Variants in WDR41 observed in about 807,000 individuals in gnomAD.
WDR41 encodes the protein WD repeat-containing protein 41.
In WDR41, 63 loss-of-function variants were observed where a neutral mutation model predicts 69.3. The observed-to-expected ratio is 0.91, with a 90% CI of 0.74 to 1.12. The LOEUF (loss-of-function observed/expected upper bound fraction) is 1.12. Among genes scored for constraint, WDR41 ranks in the 50% most tolerant of loss-of-function variants. WDR41 has a pLI of 0.00. For synonymous variants in WDR41, 185 were observed against 192.1 expected (o/e 0.96, Z 0.31); for missense variants, 543 against 534.5 (o/e 1.02, Z -0.16).
At chr5:77,605,452 C>A (rs1744397454) in intron 1 of WDR41, among the ~76,000 whole-genome samples, 1 of 152,160 alleles carries the variant, frequency 6.6e-6, no homozygotes, top group Admixed American at 6.6e-5. Flanking sequence ...GTGGAAGTTG[C>A]CCAATATCAA....
chr5:77,520,675 G>A (rs1802357909), intron 1 of WDR41, among the ~76,000 whole-genome samples: 2 of 152,104 alleles, frequency 1.3e-5, no homozygotes, highest in South Asian at 4.1e-4. Flanking sequence ...CTTCCTTTCA[G>A]ATCTGAACCC....
At chr5:77,579,510 G>C (rs976536881) in intron 1 of WDR41, among the ~76,000 whole-genome samples, 2 of 151,946 alleles carry the variant, frequency 1.3e-5, no homozygotes, top group Non-Finnish European at 2.9e-5. Context: ...CCATAAGATA[G>C]TAGAACAACA....
intron 2 of WDR41, among the ~76,000 whole-genome samples, chr5:77,483,506 G>GTGTGTGTGTGTGTGTT (rs1801379156): frequency 1.3e-5 from 2 of 151,410 alleles, no homozygotes; most frequent in Non-Finnish European, 2.9e-5. Context: ...GTGTGTGTGT[G>GTGTGTGTGTGTGTGTT]TGTGTGTGTG....
intron 9 of WDR41, among the ~76,000 whole-genome samples, 186 bp downstream of exon 9, chr5:77,440,627 G>T (rs1799120203): frequency 6.6e-6 from 1 of 152,058 alleles, no homozygotes; most frequent in African/African-American, 2.4e-5. Flanking sequence ...CTTGCCTCGA[G>T]ATTAGAAGCA....
At position 77,451,303 on chromosome 5, in the gene WDR41, C is replaced by A. The variant is rs770607328; in HGVS notation, c.574G>T (p.Gly192Cys). 2 of 1,613,638 alleles carry A rather than the reference C, an allele frequency of 1.2e-6. No homozygotes were observed. Among genetic ancestry groups the A allele is most frequent in the South Asian group, 2.2e-5 (2 of 91,034 alleles). ...IPKNCVVAAVGKELIIFRLVA... is the reference protein window; with the variant it reads ...IPKNCVVAAVCKELIIFRLVA... ...AATTCATACTCACTCAGTTCTTTGC[C>A]AACTGCTGCCACAACACAGTTCTTA... Residue 192 changes from glycine to cysteine, a missense_variant, in exon 7 of 13, where the codon GGC becomes TGC. Gly to Cys is a radical substitution (Grantham distance 159). Coordinates refer to ENST00000296679, the MANE Select transcript of WDR41 (RefSeq NM_018268.4).
At chr5:77,496,664 A>G (rs1461010452), upstream of WDR41, among the ~76,000 whole-genome samples, 1 of 152,154 alleles carries the variant, frequency 6.6e-6, no homozygotes, top group African/African-American at 2.4e-5. Flanking sequence ...GAAAGACAAC[A>G]TTGTTAAGAT....
At chr5:77,564,478 A>G (rs1457114357) in intron 1 of WDR41, among the ~76,000 whole-genome samples, 1 of 152,192 alleles carries the variant, frequency 6.6e-6, no homozygotes, top group Non-Finnish European at 1.5e-5. Flanking sequence ...CAGCGTTCAG[A>G]TGATCAACAT....
chr5:77,498,921 T>C (rs1407815856), intron 1 of WDR41, among the ~76,000 whole-genome samples: 1 of 151,950 alleles, frequency 6.6e-6, no homozygotes, highest in Non-Finnish European at 1.5e-5. Context: ...AATTGATAAA[T>C]TGTACTACAT....
At chr5:77,502,684 C>T (rs887754386) in intron 1 of WDR41, among the ~76,000 whole-genome samples, 2 of 152,158 alleles carry the variant, frequency 1.3e-5, no homozygotes, top group Non-Finnish European at 2.9e-5. Flanking sequence ...GGGAGAAACC[C>T]TATAAGCCAG....
chr5:77,498,923 G>A (rs1678776), intron 1 of WDR41, among the ~76,000 whole-genome samples: 4,769 of 151,940 alleles, frequency 0.031, 202 homozygotes, highest in South Asian at 0.19. Context: ...TTGATAAATT[G>A]TACTACATCA....
intron 1 of WDR41, among the ~76,000 whole-genome samples, chr5:77,619,319 C>T (rs1744733334): frequency 6.6e-6 from 1 of 152,130 alleles, no homozygotes; most frequent in African/African-American, 2.4e-5. Context: ...ACCACGCATT[C>T]AGGCCAGAAA....
intron 1 of WDR41, among the ~76,000 whole-genome samples, chr5:77,570,074 A>C (rs149210024): frequency 1.3e-5 from 2 of 152,212 alleles, no homozygotes; most frequent in Admixed American, 6.5e-5. Flanking sequence ...TAATCCTATA[A>C]CTGTCCCAAT....
chr5:77,542,931 G>A (rs1743119120), intron 1 of WDR41, among the ~76,000 whole-genome samples: 1 of 152,176 alleles, frequency 6.6e-6, no homozygotes, highest in Non-Finnish European at 1.5e-5. Flanking sequence ...CCCAAATACT[G>A]TGCTGGTATC....
At chr5:77,597,140 G>GA (rs1038542079) in intron 1 of WDR41, among the ~76,000 whole-genome samples, 5 of 151,120 alleles carry the variant, frequency 3.3e-5, no homozygotes, top group Non-Finnish European at 5.9e-5. Flanking sequence ...AGAAGAAAAA[G>GA]AAAAAAAAGA....
At chr5:77,616,997 A>C (rs1171112646) in intron 1 of WDR41, among the ~76,000 whole-genome samples, 1 of 152,232 alleles carries the variant, frequency 6.6e-6, no homozygotes, top group Non-Finnish European at 1.5e-5. Flanking sequence ...CTTCAGGGAC[A>C]CTCACTGTCC....
intron 1 of WDR41, among the ~76,000 whole-genome samples, chr5:77,568,356 T>G (rs1193828511): frequency 6.6e-6 from 1 of 152,186 alleles, no homozygotes; most frequent in Non-Finnish European, 1.5e-5. Context: ...ATTTTCACTG[T>G]GCGGCTGTAA....
rs538698370 is a variant in WDR41 at position 77,580,791 on chromosome 5, T to C, written c.42+39688A>G. On this transcript the variant is annotated intron_variant, in intron 1 of 5. Coordinates refer to the WDR41 transcript ENST00000509971. ...TAACATCGTGAAACCTCATCTCTACTAAAAATACAAAAAAATTAGCCAGGC... is the reference window on the plus strand; with the variant it reads ...TAACATCGTGAAACCTCATCTCTACCAAAAATACAAAAAAATTAGCCAGGC... Among the ~76,000 whole-genome samples the C allele has an allele frequency of 6.5e-4, 99 of 151,522 alleles. 1 individual carries two copies. Among genetic ancestry groups the C allele is most frequent in the South Asian group, 1.0e-3 (5 of 4,804 alleles).
chr5:77,501,746 C>G (rs1802020923), intron 1 of WDR41, among the ~76,000 whole-genome samples: 1 of 152,124 alleles, frequency 6.6e-6, no homozygotes, highest in Non-Finnish European at 1.5e-5. Flanking sequence ...CAAACAGGGT[C>G]TGGAGTGGAC....
chr5:77,506,981 C>T (rs1435274748), intron 1 of WDR41, among the ~76,000 whole-genome samples: 1 of 152,148 alleles, frequency 6.6e-6, no homozygotes, highest in Non-Finnish European at 1.5e-5. Flanking sequence ...CACATGTATA[C>T]CTGTGTATCA....
Sources: gnomAD v4.1 joint callset for allele counts (sites outside exome capture counted in the v4.1 genomes callset) on GRCh38, gnomAD v4.1.1 for gene constraint, MANE v1.5 for transcripts, NCBI Gene and HGNC (gene_info 2026-07-23, HGNC 2026-07-21) for gene names.